EXOC4: variants seen among roughly 807,000 people sequenced by gnomAD.
EXOC4 encodes exocyst complex component 4.
In EXOC4, 71 loss-of-function variants were observed where a neutral mutation model predicts 107.2. The observed-to-expected ratio is 0.66, with a 90% CI of 0.55 to 0.81. The LOEUF (loss-of-function observed/expected upper bound fraction) is 0.81, where lower values mean the gene tolerates loss of function less well. EXOC4 is among the 30% of genes least tolerant of loss of function. EXOC4 has a pLI of 0.00. For missense variants in EXOC4, 1,108 were observed against 1,189.6 expected (o/e 0.93, Z 1.01); for synonymous variants, 456 against 441.2 (o/e 1.03, Z -0.42).
intron 9 of EXOC4, among the ~76,000 whole-genome samples, chr7:133,562,418 C>T (rs544528820): frequency 2.6e-5 from 4 of 152,184 alleles, no homozygotes; most frequent in South Asian, 4.2e-4. Context: ...CTGACCTTGC[C>T]GCCTTTTGCT....
At chr7:133,834,543 G>A (rs1048623436) in intron 11 of EXOC4, among the ~76,000 whole-genome samples, 40 of 152,216 alleles carry the variant, frequency 2.6e-4, no homozygotes, top group African/African-American at 8.9e-4. Flanking sequence ...ACCCCTCTGC[G>A]CAGAAGTAAA....
intron 13 of EXOC4, among the ~76,000 whole-genome samples, chr7:133,922,438 G>A (rs1315419042): frequency 6.6e-6 from 1 of 151,774 alleles, no homozygotes; most frequent in Non-Finnish European, 1.5e-5. Context: ...TTTATGACTG[G>A]CTTCTTATTT....
At chr7:133,487,731 A>C (rs975606276) in intron 9 of EXOC4, among the ~76,000 whole-genome samples, 4 of 152,166 alleles carry the variant, frequency 2.6e-5, no homozygotes, top group Non-Finnish European at 4.4e-5. Context: ...AACAAACAAA[A>C]AAAACGAAAT....
intron 9 of EXOC4, among the ~76,000 whole-genome samples, chr7:133,487,987 G>A (rs1245614189): frequency 6.6e-6 from 1 of 152,032 alleles, no homozygotes; most frequent in East Asian, 1.9e-4. Context: ...AAAATATGGA[G>A]AAGACCACAA....
At chr7:133,306,664 A>G (rs930030230) in intron 4 of EXOC4, among the ~76,000 whole-genome samples, 4 of 151,836 alleles carry the variant, frequency 2.6e-5, no homozygotes, top group African/African-American at 9.7e-5. Context: ...TCTCCACTGT[A>G]CTCTAGCCTG....
intron 10 of EXOC4, among the ~76,000 whole-genome samples, chr7:133,707,280 A>G (rs545875810): frequency 6.6e-6 from 1 of 152,260 alleles, no homozygotes; most frequent in African/African-American, 2.4e-5. Flanking sequence ...GCTACTCTGG[A>G]GGCTGAGGCA....
chr7:133,539,885 T>A (rs1331213317), intron 9 of EXOC4, among the ~76,000 whole-genome samples: 1 of 152,102 alleles, frequency 6.6e-6, no homozygotes, highest in East Asian at 1.9e-4. Flanking sequence ...GAAATGTCTA[T>A]ATGCTCTCCC....
rs1359840023 is a variant in EXOC4 at position 133,776,397 on chromosome 7, A to G, written c.1515-40928A>G. ...ATATTAATTTATTCAGTCATTTTTCAGGAGTTAATTGAACATCTTGTCTCT... is the reference window on the plus strand; with the variant it reads ...ATATTAATTTATTCAGTCATTTTTCGGGAGTTAATTGAACATCTTGTCTCT... On this transcript the variant is annotated intron_variant, in intron 10 of 17. Coordinates refer to ENST00000253861, the MANE Select transcript of EXOC4 (RefSeq NM_021807.4). Among the ~76,000 whole-genome samples the G allele has an allele frequency of 2.0e-5, 3 of 152,150 alleles. No individual in the cohort carries two copies. The East Asian group carries it at 5.8e-4, about 29-fold the overall frequency.
intron 10 of EXOC4, among the ~76,000 whole-genome samples, chr7:133,676,747 A>G (rs953623575): frequency 1.3e-5 from 2 of 152,108 alleles, no homozygotes; most frequent in Non-Finnish European, 1.5e-5. Context: ...GTGGTATCTA[A>G]CTGTGTATAC....
At chr7:133,316,741 AT>A (rs1794999393) in intron 4 of EXOC4, among the ~76,000 whole-genome samples, 1 of 152,202 alleles carries the variant, frequency 6.6e-6, no homozygotes, top group African/African-American at 2.4e-5. Context: ...TCCTTAAATC[AT>A]TTTAATTGTT....
At chr7:134,096,833 C>G in the EXOC4 span, among the ~76,000 whole-genome samples, 1 of 152,028 alleles carries the variant, frequency 6.6e-6, no homozygotes, top group Admixed American at 6.6e-5. Flanking sequence ...GAGGGTGGGT[C>G]TGCCTCTCCC....
At chr7:133,627,415 A>G (rs544419773) in intron 9 of EXOC4, among the ~76,000 whole-genome samples, 1 of 152,290 alleles carries the variant, frequency 6.6e-6, no homozygotes, top group Admixed American at 6.5e-5. Context: ...TTTAGAAACC[A>G]TTGGAAATCA....
chr7:133,964,818 G>C (rs951008922), intron 14 of EXOC4, among the ~76,000 whole-genome samples: 6 of 152,156 alleles, frequency 3.9e-5, no homozygotes. Context: ...ATAGTAGAAT[G>C]AGTTATAATC....
At chr7:133,288,892 T>C in intron 2 of EXOC4, 30 bp from the exon 3 acceptor site, 1 of 1,604,954 alleles carries the variant, frequency 6.2e-7, no homozygotes, top group Non-Finnish European at 8.5e-7. Flanking sequence ...GACTTTGGAC[T>C]GACCCAAGAC....
Position 133,938,055 on chromosome 7 carries a change from T to C in EXOC4, c.2192T>C (p.Leu731Pro). ...ASRTKSAFSN[L>P]STSQMLSPAQ... ...CGAACAAAGTCAGCTTTCTCCAATC[T>C]TTCTACATCCCAGAGTAAGTATCTA... is the stretch of plus-strand genomic sequence containing the variant. The change falls in exon 14 of 18, where the codon CTT becomes CCT. Residue 731 changes from leucine to proline, a missense_variant. Leu to Pro is a moderately conservative substitution (Grantham distance 98, BLOSUM62 -3). Coordinates refer to ENST00000253861, the MANE Select transcript of EXOC4 (RefSeq NM_021807.4). 1 of 1,614,130 alleles carries C rather than the reference T, an allele frequency of 6.2e-7. No individual in the cohort carries two copies. Among genetic ancestry groups the C allele is most frequent in the Non-Finnish European group, 8.5e-7 (1 of 1,180,024 alleles).
chr7:133,943,349 T>C (rs1332242500), intron 14 of EXOC4, among the ~76,000 whole-genome samples: 1 of 152,180 alleles, frequency 6.6e-6, no homozygotes, highest in Non-Finnish European at 1.5e-5. Context: ...TGGCTCTGCA[T>C]TATCAAAATT....
At position 133,917,664 on chromosome 7, in the gene EXOC4, T is replaced by G. The variant is rs139852047; in HGVS notation, c.1953T>G (p.Ser651=). The change falls in exon 13 of 18, where the codon TCT becomes TCG. Residue 651 remains serine (S), a synonymous_variant. Coordinates refer to ENST00000253861, the MANE Select transcript of EXOC4 (RefSeq NM_021807.4). ...ATGATATCAGCAGACTCTTGAAATC[T>G]CTACCAAACTGGATGAATATGGCTC... The part of the protein sequence containing the change: ...KDDDISRLLK[S]LPNWMNMAQP... The G allele has an allele frequency of 3.1e-6, 5 of 1,614,106 alleles. No homozygotes were observed. In the East Asian group the frequency reaches 1.1e-4, roughly 36 times the overall value.
chr7:133,378,663 A>G (rs6957323), intron 7 of EXOC4, among the ~76,000 whole-genome samples: 1,822 of 152,286 alleles, frequency 0.012, 42 homozygotes, highest in African/African-American at 0.041. Flanking sequence ...TTAAGGATGC[A>G]TATTTCAATC....
intron 7 of EXOC4, among the ~76,000 whole-genome samples, chr7:133,438,518 G>A (rs1182617313): frequency 6.6e-6 from 1 of 152,068 alleles, no homozygotes; most frequent in East Asian, 1.9e-4. Context: ...CTGGTTTCAA[G>A]CTTTAATAGC....
Sources: allele counts gnomAD v4.1 joint callset (sites outside exome capture counted in the v4.1 genomes callset), GRCh38; gene constraint gnomAD v4.1.1; transcripts MANE v1.5; gene names NCBI Gene and HGNC (gene_info 2026-07-23, HGNC 2026-07-21).